TRPM4: variants seen among roughly 807,000 people sequenced by gnomAD.
The protein encoded by TRPM4 is calcium-activated non-selective cation channel 1.
Under a neutral mutation model 135.6 loss-of-function variants are expected in TRPM4, and 124 were observed. The ratio of observed to expected loss-of-function variants is 0.91; its 90% CI spans 0.79 to 1.06. The LOEUF is 1.06. Among genes scored for constraint, TRPM4 ranks in the 50% least tolerant of loss-of-function variants. TRPM4 has a pLI of 0.00. For missense variants in TRPM4, 1,658 were observed against 1,671.4 expected, an observed-to-expected ratio of 0.99 and a Z score of 0.14; for synonymous variants, 745 against 705.6, an observed-to-expected ratio of 1.06 and a Z score of -0.88.
chr19:49,158,157 C>T (rs768511813), intron 1 of TRPM4, 35 bp from the exon 2 acceptor site: 17 of 1,602,208 alleles, frequency 1.1e-5, no homozygotes, highest in Non-Finnish European at 1.5e-5. Flanking sequence ...GCCCTCTCAC[C>T]CCACTTCCAC....
At chr19:49,193,536 C>T (rs1021305257) in intron 16 of TRPM4, among the ~76,000 whole-genome samples, 4 of 152,094 alleles carry the variant, frequency 2.6e-5, no homozygotes, top group Admixed American at 2.0e-4. Flanking sequence ...CCTCTTGTAC[C>T]TGAGTCTGTG....
intron 11 of TRPM4, 54 bp from the exon 12 acceptor site, chr19:49,183,024 G>A: frequency 2.5e-6 from 4 of 1,604,964 alleles, no homozygotes. Flanking sequence ...CAGGGCTGGT[G>A]GTGGCCAGTG....
In TRPM4 at chr19:49,210,345, A is replaced by C; in HGVS notation, c.3268A>C (p.Arg1090=). The C allele has an allele frequency of 6.2e-7, 1 of 1,614,132 alleles. No individual in the cohort carries two copies. The highest frequency in any genetic ancestry group is 8.5e-7 in the Non-Finnish European group (1 of 1,180,034). ...IVISHLRLLL[R]QLCRRPRSPQ... ...CATCTCCCACTTGCGCCTCCTGCTC[A>C]GGCAATTGTGCAGGCGACCCCGGAG... Residue 1090 remains arginine, a synonymous_variant, in exon 21 of 25, where the codon AGG becomes CGG. Transcript: ENST00000252826. This position sits in a 1 kb window ranked among gnomAD's most constrained non-coding sequence, Gnocchi z 4.1.
chr19:49,202,542 G>A (rs369915850), intron 20 of TRPM4, among the ~76,000 whole-genome samples: 1 of 151,826 alleles, frequency 6.6e-6, no homozygotes, highest in East Asian at 1.9e-4. Context: ...GGAGAGAGGG[G>A]TCTCACTATG....
At chr19:49,167,308 T>A (rs1967242990) in intron 3 of TRPM4, among the ~76,000 whole-genome samples, 3 of 123,206 alleles carry the variant, frequency 2.4e-5, no homozygotes, top group African/African-American at 9.6e-5. Context: ...GGTCTCTGTT[T>A]CCCCTTTACT....
chr19:49,165,679 G>C (rs887413182), intron 2 of TRPM4, among the ~76,000 whole-genome samples: 4 of 152,164 alleles, frequency 2.6e-5, no homozygotes, highest in African/African-American at 7.2e-5. Flanking sequence ...TGAGTTACCC[G>C]CTGGATGTTC....
intron 20 of TRPM4, among the ~76,000 whole-genome samples, chr19:49,204,068 C>T (rs1422837621): frequency 6.6e-6 from 1 of 152,156 alleles, no homozygotes; most frequent in Admixed American, 6.5e-5. Context: ...TACAGTGAGC[C>T]AAGATCGTGC....
Position 49,182,860 on chromosome 19 carries a change from G to C in TRPM4, c.1546G>C (p.Ala516Pro), listed in dbSNP as rs774915269. Residue 516 changes from alanine to proline, a missense_variant, in exon 11 of 25, where the codon GCG becomes CCG. By Grantham distance (27) the Ala-to-Pro change is conservative. Around this residue, in one of 3 missense-constraint regions of TRPM4, gnomAD observed 1,412 missense variants for 1,408.7 expected, o/e 1.00. Coordinates refer to ENST00000252826, the MANE Select transcript of TRPM4 (RefSeq NM_017636.4). ...VLRMLLGKMC[A>P]PRYPSGGAWD... is the part of the protein sequence containing the mutation. ...GAGGATGCTGCTGGGGAAGATGTGCGCGCCGAGGTACCCCTCCGGGGGCGC... is the reference window on the plus strand; with the variant it reads ...GAGGATGCTGCTGGGGAAGATGTGCCCGCCGAGGTACCCCTCCGGGGGCGC... 7 of 1,610,302 alleles carry C rather than the reference G, an allele frequency of 4.3e-6. No individual in the cohort carries two copies. In the South Asian group the frequency reaches 5.5e-5, roughly 13 times the overall value.
chr19:49,187,586 C>A (rs1439393103), intron 12 of TRPM4, among the ~76,000 whole-genome samples: 1 of 152,112 alleles, frequency 6.6e-6, no homozygotes, highest in Non-Finnish European at 1.5e-5. Flanking sequence ...TGGGCTCAAG[C>A]AATCCTCCTC....
intron 9 of TRPM4, among the ~76,000 whole-genome samples, chr19:49,180,210 C>G (rs1010124746): frequency 2.0e-5 from 3 of 152,142 alleles, no homozygotes; most frequent in Admixed American, 1.3e-4. Context: ...AAATGCCCTT[C>G]AGGACTTTTC....
At position 49,196,455 on chromosome 19, in the gene TRPM4, C is replaced by T. The variant is rs1196739394; in HGVS notation, c.2226C>T (p.Ala742=). 1.3e-6 allele frequency: 2 copies of T among 1,546,642 alleles called. No homozygotes were observed. Among genetic ancestry groups the T allele is most frequent in the African/African-American group, 2.7e-5 (2 of 73,310 alleles). Residue 742 remains alanine, a synonymous_variant, in exon 17 of 25, where the codon GCC becomes GCT. Transcript: ENST00000252826. ...GEGPVGTADP[A]EKTPLGVPRQ... is the part of the protein sequence containing the mutation. ...TCCCCCACAGGACGGCGGACCCAGC[C>T]GAGAAGACGCCGCTGGGGGTCCCGC...
rs370112400 is a variant in TRPM4, at chr19:49,168,674, G to A, written c.734G>A (p.Gly245Asp). The change falls in exon 6 of 25, where the codon GGC (glycine) becomes GAC (aspartate). Residue 245 changes from glycine to aspartate, a missense_variant. Physicochemically the swap from Gly to Asp is moderately conservative, Grantham distance 94. Around this residue, in one of 3 missense-constraint regions of TRPM4, gnomAD observed 1,412 missense variants for 1,408.7 expected, o/e 1.00. Coordinates refer to ENST00000252826, the MANE Select transcript of TRPM4 (RefSeq NM_017636.4). ...GACGGCACACACGGCTGCCTGGGGG[G>A]CGAGAACCGCTTCCGCTTGCGCCTG... is the stretch of plus-strand genomic sequence containing the variant. ...VDDGTHGCLG[G>D]ENRFRLRLES... The A allele has an allele frequency of 1.2e-5, 20 of 1,612,286 alleles. No homozygotes were observed. The highest frequency in any genetic ancestry group is 1.7e-5 in the Non-Finnish European group (20 of 1,179,644).
At chr19:49,182,264 T>TCCATC (rs1967986193) in intron 10 of TRPM4, among the ~76,000 whole-genome samples, 8 of 55,732 alleles carry the variant, frequency 1.4e-4, no homozygotes, top group African/African-American at 6.9e-4. Context: ...GTCCATCCAT[T>TCCATC]CATCTGTCCA....
At position 49,196,737 on chromosome 19, in the gene TRPM4, CG is replaced by C. The variant is rs747536688; in HGVS notation, c.2513del (p.Gly838AlafsTer15). 17 of 1,550,148 alleles carry C rather than the reference CG, an allele frequency of 1.1e-5. No individual in the cohort carries two copies. The highest frequency in any genetic ancestry group is 1.5e-5 in the Non-Finnish European group (17 of 1,154,292). On this transcript the variant is annotated frameshift_variant, in exon 17 of 25. Coordinates refer to ENST00000252826, the MANE Select transcript of TRPM4 (RefSeq NM_017636.4). LOFTEE classifies it high-confidence loss of function. The part of the protein sequence containing the change: ...EELRQGLSGG[G>X]GSLASGGPGP... ...AACTGCGCCAGGGCCTGAGCGGAGGCGGGGGCAGCCTCGCCAGCGGGGGCCC... is the reference window on the plus strand; with the variant it reads ...AACTGCGCCAGGGCCTGAGCGGAGGCGGGGCAGCCTCGCCAGCGGGGGCCC...
intron 16 of TRPM4, among the ~76,000 whole-genome samples, chr19:49,195,968 C>T (rs2123037683): frequency 6.6e-6 from 1 of 152,018 alleles, no homozygotes; most frequent in East Asian, 1.9e-4. Context: ...AAGCGATTCT[C>T]CCGCCTCAGC....
At chr19:49,186,582 T>C (rs1968203575) in intron 12 of TRPM4, among the ~76,000 whole-genome samples, 2 of 152,086 alleles carry the variant, frequency 1.3e-5, no homozygotes, top group South Asian at 4.1e-4. Flanking sequence ...CTTTAAAAGA[T>C]TTTAACAGGC....
rs1285345748 is a variant in TRPM4 at position 49,210,582 on chromosome 19, C to T, written c.3329-128C>T. Reference sequence around the variant, plus strand: ...AGGGGCAGTGCTTACGGGTGAGGGGCGGGGCATGTTCTCGAATCACCAGGG... The same window carrying T: ...AGGGGCAGTGCTTACGGGTGAGGGGTGGGGCATGTTCTCGAATCACCAGGG... On this transcript the variant is annotated intron_variant, in intron 21 of 24. Transcript: ENST00000252826. This position sits in a 1 kb window ranked among gnomAD's most constrained non-coding sequence, Gnocchi z 4.1. 8 of 1,482,346 alleles carry T rather than the reference C, an allele frequency of 5.4e-6. No individual in the cohort carries two copies. Among genetic ancestry groups the T allele is most frequent in the Non-Finnish European group, 7.4e-6 (8 of 1,074,502 alleles). The allele number at this position is 1,482,346 out of a possible 1,614,324, so 91.8% of individuals were successfully genotyped here.
chr19:49,168,830 G>T, intron 6 of TRPM4, 94 bp downstream of exon 6: 4 of 1,320,968 alleles, frequency 3.0e-6, no homozygotes, highest in Non-Finnish European at 1.1e-6. Flanking sequence ...CGAGATTTGG[G>T]GAATTACCTA....
At chr19:49,168,823 G>T in intron 6 of TRPM4, 87 bp downstream of exon 6, 2 of 1,387,538 alleles carry the variant, frequency 1.4e-6, no homozygotes, top group Non-Finnish European at 2.0e-6. Context: ...GTCTGGTCGA[G>T]ATTTGGGGAA....
Sources: allele counts gnomAD v4.1 joint callset (sites outside exome capture counted in the v4.1 genomes callset), GRCh38; gene constraint gnomAD v4.1.1; regional missense constraint gnomAD v4.1.1; non-coding constraint Gnocchi (gnomAD v3.1); transcripts MANE v1.5; gene names NCBI Gene and HGNC (gene_info 2026-07-23, HGNC 2026-07-21).